AP3B1: variants seen among roughly 807,000 people sequenced by gnomAD.
The protein encoded by AP3B1 is AP-3 complex subunit beta-1.
AP3B1 carries 61 observed loss-of-function variants against 132.5 expected under a neutral mutation model. The observed-to-expected ratio is 0.46, with a 90% CI of 0.37 to 0.57. AP3B1 has a LOEUF of 0.57. AP3B1 is among the 20% of genes least tolerant of loss of function. AP3B1 has a pLI of 0.00. For missense variants in AP3B1, 1,120 were observed against 1,289.4 expected (o/e 0.87, Z 2.01); for synonymous variants, 388 against 438.3 (o/e 0.89, Z 1.43).
At chr5:78,125,122 T>G (rs1218704137) in intron 17 of AP3B1, among the ~76,000 whole-genome samples, 2 of 152,204 alleles carry the variant, frequency 1.3e-5, no homozygotes, top group Non-Finnish European at 2.9e-5. Flanking sequence ...TATTGACAGA[T>G]GTGTTTATGA....
intron 22 of AP3B1, among the ~76,000 whole-genome samples, chr5:78,084,953 T>C (rs1414709481): frequency 6.6e-6 from 1 of 152,220 alleles, no homozygotes; most frequent in Non-Finnish European, 1.5e-5. Context: ...ATCTTAATAA[T>C]TGTACAAAAT....
chr5:78,136,675 T>C (rs1752923863), intron 15 of AP3B1, among the ~76,000 whole-genome samples: 2 of 152,114 alleles, frequency 1.3e-5, no homozygotes, highest in Non-Finnish European at 2.9e-5. Context: ...ATCATTGTAG[T>C]ATTTATTTGT....
In AP3B1 at chr5:78,220,448, T is replaced by A. The variant is rs370322138; in HGVS notation, c.604-4211A>T. ...CCAGATAACTATTTTCATGCTTGTA[T>A]CACAAAACTTCACAAAGACCTCCAA... On this transcript the variant is annotated intron_variant, in intron 6 of 26. Transcript: ENST00000255194. 3.3e-5 allele frequency among the ~76,000 whole-genome samples: 5 copies of A among 151,712 alleles called. 1 individual carries two copies. In the South Asian group the frequency reaches 1.0e-3, roughly 32 times the overall value.
chr5:78,200,855 C>T (rs768010183), intron 7 of AP3B1, among the ~76,000 whole-genome samples: 2 of 151,908 alleles, frequency 1.3e-5, no homozygotes, highest in Non-Finnish European at 2.9e-5. Flanking sequence ...CAAACTGTGC[C>T]CCCCAACCCT....
At chr5:78,067,638 G>C (rs933541448) in intron 22 of AP3B1, among the ~76,000 whole-genome samples, 1 of 152,156 alleles carries the variant, frequency 6.6e-6, no homozygotes, top group Non-Finnish European at 1.5e-5. Flanking sequence ...CAACTACATG[G>C]AAATTGAACA....
intron 14 of AP3B1, among the ~76,000 whole-genome samples, chr5:78,147,086 T>C (rs941580739): frequency 2.0e-5 from 3 of 152,134 alleles, no homozygotes; most frequent in East Asian, 1.9e-4. Flanking sequence ...AAATATCTAA[T>C]ATGAGAGAAA....
intron 7 of AP3B1, among the ~76,000 whole-genome samples, chr5:78,184,705 T>C (rs1393365177): frequency 7.6e-6 from 1 of 131,356 alleles, no homozygotes; most frequent in Non-Finnish European, 1.5e-5. Flanking sequence ...AAAAACAGAG[T>C]CTCAGGGACC....
intron 26 of AP3B1, among the ~76,000 whole-genome samples, chr5:78,011,795 G>A (rs1396901128): frequency 6.6e-6 from 1 of 152,076 alleles, no homozygotes; most frequent in Admixed American, 6.5e-5. Context: ...TATAAAATTT[G>A]AAGAGTAGTA....
At chr5:78,286,119 C>T (rs928403660) in intron 1 of AP3B1, among the ~76,000 whole-genome samples, 2 of 152,202 alleles carry the variant, frequency 1.3e-5, no homozygotes, top group African/African-American at 2.4e-5. Context: ...CCTTATCTCT[C>T]TGCCCTCATA....
At chr5:78,201,941 G>C (rs1456204650) in intron 7 of AP3B1, among the ~76,000 whole-genome samples, 1 of 152,140 alleles carries the variant, frequency 6.6e-6, no homozygotes, top group African/African-American at 2.4e-5. Context: ...TAAGCTCTGA[G>C]ATGTATACAG....
At chr5:78,122,613 AAAATACCTAGG>A (rs1752263939) in intron 17 of AP3B1, among the ~76,000 whole-genome samples, 1 of 152,214 alleles carries the variant, frequency 6.6e-6, no homozygotes, top group South Asian at 2.1e-4. Flanking sequence ...CAAAGAGAAT[AAAATACCTAGG>A]AATCCAACTT....
chr5:78,088,083 C>T (rs1750343041), intron 22 of AP3B1, among the ~76,000 whole-genome samples: 1 of 152,180 alleles, frequency 6.6e-6, no homozygotes, highest in Non-Finnish European at 1.5e-5. Context: ...TTATTCACTA[C>T]CTTACTGCCA....
At chr5:78,050,438 T>A (rs1268919012) in intron 22 of AP3B1, among the ~76,000 whole-genome samples, 1 of 152,192 alleles carries the variant, frequency 6.6e-6, no homozygotes, top group Non-Finnish European at 1.5e-5. Context: ...ACCTCTAGTG[T>A]TGGTCATAAC....
intron 7 of AP3B1, among the ~76,000 whole-genome samples, chr5:78,201,538 A>G (rs76210975): frequency 0.029 from 4,402 of 152,294 alleles, 213 homozygotes; most frequent in African/African-American, 0.1. Flanking sequence ...CCAAAATATT[A>G]TGCTGAGTAA....
At chr5:78,027,198 C>T (rs67369356) in intron 24 of AP3B1, among the ~76,000 whole-genome samples, 26,506 of 149,208 alleles carry the variant, frequency 0.18, 2,925 homozygotes, top group Admixed American at 0.28. Flanking sequence ...TTTATCTATA[C>T]TATATTTAAA....
rs10602406 is a variant in AP3B1 at position 78,193,744 on chromosome 5, TTATATA to T, written c.787-12088_787-12083del. Among the ~76,000 whole-genome samples the T allele has an allele frequency of 2.0e-3, 224 of 110,378 alleles. 2 individuals carry two copies. Among genetic ancestry groups the T allele is most frequent in the South Asian group, 3.9e-3 (14 of 3,590 alleles). 72.4% of individuals were successfully genotyped at this position (110,378 alleles called of 152,430 possible). ...TTTTTAAATATTTGTATATATTTTT[TTATATA>T]TATATATATATATATATATATTTTT... is the stretch of plus-strand genomic sequence containing the variant. On this transcript the variant is annotated intron_variant, in intron 7 of 26. Transcript: ENST00000255194.
At chr5:78,078,637 C>T (rs922869791) in intron 22 of AP3B1, among the ~76,000 whole-genome samples, 2 of 152,334 alleles carry the variant, frequency 1.3e-5, no homozygotes, top group South Asian at 2.1e-4. Flanking sequence ...ACACAAATAT[C>T]GCTATCCAAG....
chr5:78,228,194 G>T lies in AP3B1; in HGVS notation c.325C>A (p.Gln109Lys), dbSNP rs1397315776. 2 of 1,611,748 alleles carry T rather than the reference G, an allele frequency of 1.2e-6. No homozygotes were observed. Among genetic ancestry groups the T allele is most frequent in the Non-Finnish European group, 8.5e-7 (1 of 1,179,126 alleles). ...YVYLVRYAEE[Q>K]QDLALLSIST... is the part of the protein sequence containing the mutation. ...ATGGACAGGAGTGCAAGATCCTGCT[G>T]TTCTTCAGCATATCGAACCAGGTAA... Residue 109 changes from glutamine (Q) to lysine (K), a missense_variant, in exon 4 of 27, where the codon CAG (glutamine) becomes AAG (lysine). By Grantham distance (53) the Gln-to-Lys change is moderately conservative. This residue lies in a region of AP3B1 where 129 missense variants were observed against 212.4 expected (regional missense o/e 0.61). Transcript: ENST00000255194.
intron 18 of AP3B1, chr5:78,115,898 C>T (rs1458021058): frequency 1.9e-6 from 1 of 519,772 alleles, no homozygotes; most frequent in East Asian, 4.0e-5. Flanking sequence ...TTCAGCTATA[C>T]CAATGTATCA....
Sources: allele counts gnomAD v4.1 joint callset (sites outside exome capture counted in the v4.1 genomes callset), GRCh38; gene constraint gnomAD v4.1.1; regional missense constraint gnomAD v4.1.1; transcripts MANE v1.5; gene names NCBI Gene and HGNC (gene_info 2026-07-23, HGNC 2026-07-21).